The following NEGR1 variants were observed in gnomAD, a reference collection of about 807,000 sequenced individuals.
NEGR1 encodes IgLON family member 4.
A neutral mutation model predicts 40.9 loss-of-function variants in NEGR1; 10 were observed. The observed-to-expected ratio is 0.24, with a 90% CI of 0.15 to 0.42. NEGR1 has a LOEUF of 0.42. Among genes scored for constraint, NEGR1 ranks in the 10% least tolerant of loss-of-function variants. The probability of loss-of-function intolerance (pLI) is 1.00; values close to 1 mark genes in which losing one functional copy is unlikely to be tolerated. For synonymous variants in NEGR1, 185 were observed against 166.8 expected, an observed-to-expected ratio of 1.11 and a Z score of -0.84; for missense variants, 352 against 438.9, an observed-to-expected ratio of 0.80 and a Z score of 1.77.
At chr1:71,670,275 TA>T (rs1322210844) in intron 4 of NEGR1, among the ~76,000 whole-genome samples, 6 of 152,188 alleles carry the variant, frequency 3.9e-5, no homozygotes, top group Non-Finnish European at 8.8e-5. Flanking sequence ...CATGTTCTTA[TA>T]GATTTCATTA....
intron 1 of NEGR1, among the ~76,000 whole-genome samples, chr1:72,130,805 G>C (rs1468810194): frequency 6.6e-6 from 1 of 152,082 alleles, no homozygotes; most frequent in African/African-American, 2.4e-5. Flanking sequence ...ATGAGGGCAT[G>C]AATATTTATG....
At chr1:71,565,839 G>A (rs1193580016) in intron 6 of NEGR1, among the ~76,000 whole-genome samples, 1 of 152,108 alleles carries the variant, frequency 6.6e-6, no homozygotes, top group Non-Finnish European at 1.5e-5. Context: ...AATTCTATAA[G>A]TTTTTCTAAA....
intron 1 of NEGR1, among the ~76,000 whole-genome samples, chr1:72,106,371 C>A (rs78851102): frequency 0.18 from 27,256 of 151,806 alleles, 3,067 homozygotes; most frequent in South Asian, 0.27. Context: ...CAGGGACATG[C>A]AAAATGAAAA....
At chr1:71,943,466 C>A (rs1645991126) in intron 1 of NEGR1, among the ~76,000 whole-genome samples, 1 of 151,796 alleles carries the variant, frequency 6.6e-6, no homozygotes, top group South Asian at 2.1e-4. Context: ...AACTGTTTTT[C>A]TGCAATACCA....
At chr1:71,539,003 T>C (rs1002917188) in intron 6 of NEGR1, among the ~76,000 whole-genome samples, 3 of 151,748 alleles carry the variant, frequency 2.0e-5, no homozygotes, top group African/African-American at 7.2e-5. Flanking sequence ...ATCACATGGT[T>C]GTTGTTTAAA....
chr1:72,249,402 T>A (rs898923584), intron 1 of NEGR1, among the ~76,000 whole-genome samples: 1 of 152,214 alleles, frequency 6.6e-6, no homozygotes, highest in African/African-American at 2.4e-5. Context: ...ATTTGTCTCA[T>A]CAGCCTCAGT....
intron 1 of NEGR1, among the ~76,000 whole-genome samples, chr1:71,996,986 A>C (rs1014600132): frequency 6.6e-6 from 1 of 152,104 alleles, no homozygotes; most frequent in African/African-American, 2.4e-5. Context: ...TAATTCACTA[A>C]GAGAGCTATG....
chr1:71,752,159 T>C (rs1231717735), intron 3 of NEGR1, among the ~76,000 whole-genome samples: 3 of 152,216 alleles, frequency 2.0e-5, no homozygotes, highest in African/African-American at 7.2e-5. Context: ...AGGAAACAAG[T>C]TCTTTAAATA....
intron 4 of NEGR1, among the ~76,000 whole-genome samples, chr1:71,683,960 T>C (rs911811914): frequency 6.6e-6 from 1 of 152,148 alleles, no homozygotes; most frequent in Non-Finnish European, 1.5e-5. Context: ...CAATGTTTAC[T>C]GTCTGAGGAT....
chr1:71,897,473 T>G (rs1661005039), intron 2 of NEGR1, among the ~76,000 whole-genome samples: 1 of 152,202 alleles, frequency 6.6e-6, no homozygotes, highest in African/African-American at 2.4e-5. Context: ...TAGTCTGATA[T>G]ATCTAAAGTC....
At chr1:72,049,188 A>G (rs1348629166) in intron 1 of NEGR1, among the ~76,000 whole-genome samples, 1 of 151,532 alleles carries the variant, frequency 6.6e-6, no homozygotes, top group Non-Finnish European at 1.5e-5. Context: ...AATAATGCAA[A>G]AAATTAGCCA....
intron 4 of NEGR1, among the ~76,000 whole-genome samples, chr1:71,625,605 T>A (rs1650748238): frequency 6.6e-6 from 1 of 151,734 alleles, no homozygotes; most frequent in Non-Finnish European, 1.5e-5. Flanking sequence ...CTAGAACCAA[T>A]ACTCCATGGA....
At chr1:71,416,012 T>A (rs1436291792) in intron 6 of NEGR1, among the ~76,000 whole-genome samples, 7 of 152,156 alleles carry the variant, frequency 4.6e-5, no homozygotes, top group Non-Finnish European at 1.0e-4. Flanking sequence ...CTATACAGAC[T>A]TTAGCTTGGG....
At chr1:71,863,919 T>C (rs895522680) in intron 2 of NEGR1, among the ~76,000 whole-genome samples, 2 of 152,166 alleles carry the variant, frequency 1.3e-5, no homozygotes, top group African/African-American at 4.8e-5. Flanking sequence ...TGTTATCTTA[T>C]TGAATCTTTC....
chr1:71,557,601 G>A (rs1338781851), intron 6 of NEGR1, among the ~76,000 whole-genome samples: 4 of 151,554 alleles, frequency 2.6e-5, no homozygotes, highest in African/African-American at 9.7e-5. Flanking sequence ...TTACTTTGCA[G>A]TAGCTTTAGA....
At chr1:71,580,381 G>A (rs1390473009) in intron 6 of NEGR1, among the ~76,000 whole-genome samples, 10 of 151,532 alleles carry the variant, frequency 6.6e-5, no homozygotes, top group South Asian at 2.1e-4. Flanking sequence ...TGGGTGCAGC[G>A]CACCAGCATG....
chr1:72,218,288 G>T (rs915532055), intron 1 of NEGR1, among the ~76,000 whole-genome samples: 5 of 151,696 alleles, frequency 3.3e-5, no homozygotes, highest in South Asian at 2.1e-4. Context: ...AATATATTGG[G>T]TCTAAAATTA....
chr1:71,677,028 T>C (rs1421105388), intron 4 of NEGR1, among the ~76,000 whole-genome samples: 1 of 152,188 alleles, frequency 6.6e-6, no homozygotes, highest in East Asian at 1.9e-4. Context: ...GTGAGTTACT[T>C]GAACTTCATT....
intron 1 of NEGR1, among the ~76,000 whole-genome samples, chr1:72,254,711 A>C (rs1414139690): frequency 6.6e-6 from 1 of 151,942 alleles, no homozygotes; most frequent in African/African-American, 2.4e-5. Flanking sequence ...AAAAAAAAAA[A>C]AAAAAAAAGC....
Sources: gnomAD v4.1 joint callset for allele counts (sites outside exome capture counted in the v4.1 genomes callset) on GRCh38, gnomAD v4.1.1 for gene constraint, MANE v1.5 for transcripts, NCBI Gene and HGNC (gene_info 2026-07-23, HGNC 2026-07-21) for gene names.